The following RTN1 variants were observed in gnomAD, a reference collection of about 807,000 sequenced individuals.
RTN1 encodes reticulon 1, also known as reticulon-1.
In RTN1, 25 loss-of-function variants were observed where a neutral mutation model predicts 65.5. The ratio of observed to expected loss-of-function variants is 0.38; its 90% CI spans 0.28 to 0.53. The LOEUF is 0.53. Ranked by LOEUF, RTN1 falls within the 20% of genes least tolerant of loss-of-function variation. RTN1 has a pLI of 0.79. For synonymous variants in RTN1, 471 were observed against 447.6 expected, an observed-to-expected ratio of 1.05 and a Z score of -0.66; for missense variants, 983 against 1,025.4, an observed-to-expected ratio of 0.96 and a Z score of 0.57.
intron 3 of RTN1, among the ~76,000 whole-genome samples, chr14:59,661,716 A>G (rs1432250303): frequency 6.6e-6 from 1 of 152,248 alleles, no homozygotes; most frequent in African/African-American, 2.4e-5. Context: ...TTCATGCTAA[A>G]AACTCTCAAT....
chr14:59,597,732 C>T (rs1881447819), intron 8 of RTN1, among the ~76,000 whole-genome samples: 1 of 152,162 alleles, frequency 6.6e-6, no homozygotes, highest in African/African-American at 2.4e-5. Flanking sequence ...GTGTGTACCA[C>T]CTCTTTTAAA....
intron 3 of RTN1, among the ~76,000 whole-genome samples, chr14:59,697,010 G>C (rs913531674): frequency 6.6e-6 from 1 of 152,120 alleles, no homozygotes; most frequent in African/African-American, 2.4e-5. Context: ...AGTTATTTTT[G>C]ATTGGCTTAT....
At chr14:59,758,750 G>A (rs1026837514) in intron 1 of RTN1, among the ~76,000 whole-genome samples, 2 of 152,096 alleles carry the variant, frequency 1.3e-5, no homozygotes, top group African/African-American at 2.4e-5. Flanking sequence ...TCTTTGCACA[G>A]TCTGTGCAAA....
At chr14:59,788,267 G>A (rs187624790) in intron 1 of RTN1, among the ~76,000 whole-genome samples, 3 of 152,004 alleles carry the variant, frequency 2.0e-5, no homozygotes, top group Admixed American at 2.0e-4. Flanking sequence ...AGTATGTTGG[G>A]TTTTTTTTCT....
chr14:59,818,633 C>T (rs767819036), intron 1 of RTN1, among the ~76,000 whole-genome samples: 6 of 151,974 alleles, frequency 3.9e-5, no homozygotes, highest in Non-Finnish European at 7.4e-5. Flanking sequence ...CATATGAGTC[C>T]GTGTGTCTTT....
At chr14:59,609,210 A>T (rs1358086828) in intron 3 of RTN1, among the ~76,000 whole-genome samples, 1 of 151,910 alleles carries the variant, frequency 6.6e-6, no homozygotes. Flanking sequence ...GCTTGAACCC[A>T]GGAGGCAGAG....
chr14:59,760,764 G>A (rs766458023), intron 1 of RTN1, among the ~76,000 whole-genome samples: 3 of 152,262 alleles, frequency 2.0e-5, no homozygotes, highest in Middle Eastern at 3.4e-3. Context: ...TTTCTCTGGC[G>A]CTAAGCACAT....
At chr14:59,695,989 T>C (rs911835618) in intron 3 of RTN1, among the ~76,000 whole-genome samples, 12 of 152,148 alleles carry the variant, frequency 7.9e-5, no homozygotes, top group Middle Eastern at 3.2e-3. Context: ...TTTTTATATA[T>C]ATAAAATACG....
chr14:59,636,501 T>G (rs369073928), intron 3 of RTN1, among the ~76,000 whole-genome samples: 37 of 152,296 alleles, frequency 2.4e-4, no homozygotes, highest in African/African-American at 8.9e-4. Context: ...GTGAGCCAAT[T>G]AAACCTTTTT....
intron 3 of RTN1, among the ~76,000 whole-genome samples, chr14:59,629,919 A>G (rs1206418940): frequency 1.3e-5 from 2 of 152,166 alleles, no homozygotes; most frequent in Admixed American, 6.5e-5. Context: ...ACGCCATCAT[A>G]TTTTCAGGAT....
chr14:59,800,238 C>T (rs986478264), intron 1 of RTN1, among the ~76,000 whole-genome samples: 3 of 152,190 alleles, frequency 2.0e-5, no homozygotes, highest in African/African-American at 7.2e-5. Flanking sequence ...CCTAATTCAA[C>T]CAGACACTGA....
At chr14:59,717,712 C>T (rs1264327469) in intron 3 of RTN1, among the ~76,000 whole-genome samples, 5 of 152,142 alleles carry the variant, frequency 3.3e-5, no homozygotes, top group Non-Finnish European at 4.4e-5. Context: ...GTGGAAGTCT[C>T]GAAGTAAACA....
intron 3 of RTN1, among the ~76,000 whole-genome samples, chr14:59,626,328 G>A (rs1267996137): frequency 6.6e-6 from 1 of 152,156 alleles, no homozygotes. Flanking sequence ...TTGCCTTTAG[G>A]TTATGCTCTC....
intron 1 of RTN1, among the ~76,000 whole-genome samples, chr14:59,752,586 CTTAAT>C: frequency 6.6e-6 from 1 of 152,258 alleles, no homozygotes; most frequent in East Asian, 1.9e-4. Context: ...TCTCATAGCA[CTTAAT>C]TTATACTGCT....
At chr14:59,764,447 T>C (rs530865960) in intron 1 of RTN1, among the ~76,000 whole-genome samples, 1 of 151,828 alleles carries the variant, frequency 6.6e-6, no homozygotes, top group Non-Finnish European at 1.5e-5. Context: ...CAGCCTCCCT[T>C]GTAGCTGGGA....
At chr14:59,860,283 T>C (rs1887685056) in intron 1 of RTN1, among the ~76,000 whole-genome samples, 1 of 152,180 alleles carries the variant, frequency 6.6e-6, no homozygotes, top group South Asian at 2.1e-4. Flanking sequence ...AAGCTGAAGC[T>C]CTGGCTTCAG....
At chr14:59,630,697 A>G in intron 3 of RTN1, 1 of 1,158,690 alleles carries the variant, frequency 8.6e-7, no homozygotes, top group Non-Finnish European at 1.1e-6. Flanking sequence ...CCGGCAGCGA[A>G]TCAGCGCGGC....
In RTN1 at chr14:59,794,214, A is replaced by C. The variant is rs2139592470; in HGVS notation, c.242-47733T>G. On this transcript the variant is annotated intron_variant, in intron 1 of 8. Transcript: ENST00000267484. This position sits in a 1 kb window ranked among gnomAD's most constrained non-coding sequence, Gnocchi z 5.1. Reference sequence around the variant, plus strand: ...TTCCGGTATAGACATGTGACTTAAAATTGTTCCAGTTGAAATTAAACCCTC... The same window carrying C: ...TTCCGGTATAGACATGTGACTTAAACTTGTTCCAGTTGAAATTAAACCCTC... 6.6e-6 allele frequency among the ~76,000 whole-genome samples: 1 copy of C among 152,328 alleles called. No individual in the cohort carries two copies. Among genetic ancestry groups the C allele is most frequent in the South Asian group, 2.1e-4 (1 of 4,826 alleles).
chr14:59,637,225 A>T (rs1218215352), intron 3 of RTN1, among the ~76,000 whole-genome samples: 2 of 152,192 alleles, frequency 1.3e-5, no homozygotes, highest in Admixed American at 6.5e-5. Flanking sequence ...ACCAGGAGTA[A>T]ATTCCATCTC....
Sources: allele counts gnomAD v4.1 joint callset (sites outside exome capture counted in the v4.1 genomes callset), GRCh38; gene constraint gnomAD v4.1.1; non-coding constraint Gnocchi (gnomAD v3.1); transcripts MANE v1.5; gene names NCBI Gene and HGNC (gene_info 2026-07-23, HGNC 2026-07-21).